The following LDAH variants were observed in gnomAD, a reference collection of about 807,000 sequenced individuals.
LDAH encodes lipid droplet associated hydrolase, also known as lipid droplet-associated hydrolase.
Under a neutral mutation model 29.6 loss-of-function variants are expected in LDAH, and 26 were observed. That is an observed-to-expected ratio of 0.88 (90% CI 0.64 to 1.22). LDAH has a LOEUF of 1.22. LDAH is among the 50% of genes most tolerant of loss of function. The probability of loss-of-function intolerance (pLI) is 0.00; values close to 1 mark genes in which losing one functional copy is unlikely to be tolerated. For synonymous variants in LDAH, 117 were observed against 133.0 expected (o/e 0.88, Z 0.83); for missense variants, 344 against 387.3 (o/e 0.89, Z 0.94).
At chr2:20,729,870 G>A (rs1199791027) in intron 5 of LDAH, among the ~76,000 whole-genome samples, 3 of 152,060 alleles carry the variant, frequency 2.0e-5, no homozygotes, top group African/African-American at 4.8e-5. Context: ...ATCACAGCTC[G>A]CTGTAACCTT....
intron 4 of LDAH, among the ~76,000 whole-genome samples, chr2:20,768,091 C>T (rs191061909): frequency 6.6e-6 from 1 of 152,338 alleles, no homozygotes; most frequent in East Asian, 1.9e-4. Context: ...AAGCTCCTCT[C>T]TGTCTTGCTC....
Position 20,781,136 on chromosome 2 carries a change from G to A in LDAH, c.299-6157C>T, listed in dbSNP as rs541860302. 5.3e-5 allele frequency among the ~76,000 whole-genome samples: 8 copies of A among 152,246 alleles called. No individual in the cohort carries two copies. The East Asian group carries it at 1.5e-3, about 29-fold the overall frequency. The stretch of plus-strand genomic sequence containing the variant: ...TTTCATACTTTCTAAACAATGACTT[G>A]AAATAGTTGATAATGAATTTCCCAT... On this transcript the variant is annotated intron_variant, in intron 3 of 6. Transcript: ENST00000237822.
At chr2:20,731,278 T>C (rs1666384382) in intron 5 of LDAH, among the ~76,000 whole-genome samples, 1 of 152,162 alleles carries the variant, frequency 6.6e-6, no homozygotes, top group Non-Finnish European at 1.5e-5. Flanking sequence ...CCATCCCCCT[T>C]GGTGCTGTTA....
chr2:20,723,509 C>A (rs1201401642), intron 5 of LDAH, among the ~76,000 whole-genome samples: 1 of 152,070 alleles, frequency 6.6e-6, no homozygotes, highest in African/African-American at 2.4e-5. Context: ...GTCCTATTTT[C>A]TGAAAGTAAA....
At chr2:20,791,118 T>A (rs1314441785) in intron 2 of LDAH, among the ~76,000 whole-genome samples, 1 of 152,240 alleles carries the variant, frequency 6.6e-6, no homozygotes, top group Non-Finnish European at 1.5e-5. Flanking sequence ...TCTGGAGCAC[T>A]GATGTAAATA....
chr2:20,702,682 A>G (rs1664032879), intron 5 of LDAH, among the ~76,000 whole-genome samples: 1 of 152,138 alleles, frequency 6.6e-6, no homozygotes, highest in African/African-American at 2.4e-5. Flanking sequence ...GCCTTACCTA[A>G]AAACTGCAAA....
At chr2:20,740,284 A>T (rs1002073791) in intron 4 of LDAH, 79 bp from the exon 5 acceptor site, 36 of 925,810 alleles carry the variant, frequency 3.9e-5, no homozygotes, top group Middle Eastern at 4.4e-4. Flanking sequence ...CTATATAGTA[A>T]TGACAAATGA....
rs1662500759 is a variant in LDAH at position 20,685,571 on chromosome 2, C to A, written c.*1332G>T. ...CCAATAAGTTGGCAGCAAATCAGAG[C>A]CAAATCTTTCATCAGGGGGCTTTAG... On this transcript the variant is annotated 3_prime_UTR_variant, in exon 7 of 7. Coordinates refer to ENST00000237822, the MANE Select transcript of LDAH (RefSeq NM_021925.4). 1 of 1,550,398 alleles carries A rather than the reference C, an allele frequency of 6.4e-7. No individual in the cohort carries two copies. The highest frequency in any genetic ancestry group is 2.4e-5 in the East Asian group (1 of 40,902).
intron 1 of LDAH, among the ~76,000 whole-genome samples, chr2:20,803,732 C>T (rs1418390115): frequency 1.3e-5 from 2 of 152,220 alleles, no homozygotes; most frequent in Non-Finnish European, 2.9e-5. Context: ...GCTATAGCCA[C>T]ACTTTCAATG....
At position 20,697,312 on chromosome 2, in the gene LDAH, A is replaced by G. The variant is rs374577456; in HGVS notation, c.786+4258T>C. Among the ~76,000 whole-genome samples, 6 of 152,296 alleles carry G rather than the reference A, an allele frequency of 3.9e-5. No homozygotes were observed. The East Asian group carries it at 7.7e-4, about 20-fold the overall frequency. ...GTTAGTACTCAGTACCTTTGATTCT[A>G]TCTCCTAAATCTTTCCATCTTCAAT... On this transcript the variant is annotated intron_variant, in intron 6 of 6. Coordinates refer to ENST00000237822, the MANE Select transcript of LDAH (RefSeq NM_021925.4).
At chr2:20,719,677 A>G (rs1449942828) in intron 5 of LDAH, among the ~76,000 whole-genome samples, 1 of 152,104 alleles carries the variant, frequency 6.6e-6, no homozygotes, top group African/African-American at 2.4e-5. Flanking sequence ...TATAACAGAA[A>G]ACCACAGGCC....
At chr2:20,731,411 A>G (rs1022129716) in intron 5 of LDAH, among the ~76,000 whole-genome samples, 8 of 152,332 alleles carry the variant, frequency 5.3e-5, no homozygotes, top group Admixed American at 1.3e-4. Flanking sequence ...GCCTTCTGCC[A>G]TAAGTAAAAG....
chr2:20,781,320 T>C (rs182748021), intron 3 of LDAH, among the ~76,000 whole-genome samples: 2 of 152,340 alleles, frequency 1.3e-5, no homozygotes, highest in Admixed American at 1.3e-4. Context: ...ATTGTGATAA[T>C]GTGGTCTACT....
chr2:20,704,506 T>A lies in LDAH; in HGVS notation c.704-2854A>T, dbSNP rs185424190. On this transcript the variant is annotated intron_variant, in intron 5 of 6. Transcript: ENST00000237822. ...ATTAAAAATTATCCTGCAGAATATA[T>A]AATGTCAAATACATATTTAAAAATA... Among the ~76,000 whole-genome samples the A allele has an allele frequency of 1.2e-3, 178 of 152,328 alleles. 2 individuals are homozygous for A. The highest frequency in any genetic ancestry group is 4.1e-3 in the African/African-American group (172 of 41,570).
chr2:20,730,773 T>C (rs1053412633), intron 5 of LDAH, among the ~76,000 whole-genome samples: 1 of 152,192 alleles, frequency 6.6e-6, no homozygotes, highest in Non-Finnish European at 1.5e-5. Context: ...AAGAGCCAAG[T>C]GCTCCAGCAA....
At chr2:20,705,693 A>C (rs1477108949) in intron 5 of LDAH, among the ~76,000 whole-genome samples, 1 of 152,250 alleles carries the variant, frequency 6.6e-6, no homozygotes, top group Non-Finnish European at 1.5e-5. Context: ...AAATGATCAA[A>C]GACATAATTT....
intron 4 of LDAH, among the ~76,000 whole-genome samples, chr2:20,742,792 CCTTTTTTTTTTT>C (rs1667278703): frequency 8.0e-6 from 1 of 124,896 alleles, no homozygotes; most frequent in African/African-American, 2.9e-5. Context: ...TTTTCTTTTT[CCTTTTTTTTTTT>C]TTTTTTTGAG....
intron 4 of LDAH, among the ~76,000 whole-genome samples, chr2:20,755,250 T>C (rs1415981280): frequency 2.6e-5 from 4 of 151,922 alleles, no homozygotes; most frequent in African/African-American, 9.7e-5. Context: ...TGCACTATTC[T>C]TAGTCTTACA....
chr2:20,699,590 A>C (rs764557209), intron 6 of LDAH, among the ~76,000 whole-genome samples: 10 of 152,216 alleles, frequency 6.6e-5, no homozygotes, highest in Non-Finnish European at 1.0e-4. Context: ...ATAATGAATT[A>C]ACTGCAAGGT....
Sources: allele counts gnomAD v4.1 joint callset (sites outside exome capture counted in the v4.1 genomes callset), GRCh38; gene constraint gnomAD v4.1.1; transcripts MANE v1.5; gene names NCBI Gene and HGNC (gene_info 2026-07-23, HGNC 2026-07-21).